Variants in KLF17 observed in about 807,000 individuals in gnomAD.
The protein encoded by KLF17 is KLF transcription factor 17.
Under a neutral mutation model 34.2 loss-of-function variants are expected in KLF17, and 31 were observed. The ratio of observed to expected loss-of-function variants is 0.91; its 90% CI spans 0.68 to 1.22. The LOEUF (loss-of-function observed/expected upper bound fraction) is 1.22, where lower values mean the gene tolerates loss of function less well. Ranked by LOEUF, KLF17 falls within the 50% of genes most tolerant of loss-of-function variation. The pLI, the probability that KLF17 is intolerant of heterozygous loss-of-function variation, is 0.00. For synonymous variants in KLF17, 179 were observed against 186.7 expected (o/e 0.96, Z 0.34); for missense variants, 478 against 505.2 (o/e 0.95, Z 0.52).
the KLF17 span, among the ~76,000 whole-genome samples, chr1:44,088,990 G>A: frequency 3.3e-5 from 5 of 152,136 alleles, no homozygotes; most frequent in Admixed American, 1.3e-4. Flanking sequence ...GGAACCGACA[G>A]GCCAAAGCAT....
At chr1:44,081,571 G>A in the KLF17 span, among the ~76,000 whole-genome samples, 1 of 151,584 alleles carries the variant, frequency 6.6e-6, no homozygotes, top group African/African-American at 2.4e-5. Context: ...GCCCACCCCC[G>A]CACCTGTCTA....
At chr1:44,062,377 A>G in the KLF17 span, among the ~76,000 whole-genome samples, 5 of 152,116 alleles carry the variant, frequency 3.3e-5, no homozygotes, top group African/African-American at 1.2e-4. Context: ...AAACCCTTCA[A>G]ATTTAAAAAT....
the KLF17 span, among the ~76,000 whole-genome samples, chr1:44,091,029 A>G: frequency 6.6e-6 from 1 of 152,078 alleles, no homozygotes; most frequent in Non-Finnish European, 1.5e-5. Flanking sequence ...GGACTTTGTT[A>G]TACTCTTAAA....
chr1:44,050,314 G>C, the KLF17 span, among the ~76,000 whole-genome samples: 8 of 152,190 alleles, frequency 5.3e-5, no homozygotes, highest in Admixed American at 5.2e-4. Context: ...ATTGAGACTA[G>C]CTGAAAGGGG....
At chr1:44,048,020 G>GTA in the KLF17 span, 1 of 152,504 alleles carries the variant, frequency 6.6e-6, no homozygotes, top group Non-Finnish European at 1.5e-5. Context: ...GTGTGTGTGT[G>GTA]TGTGTGTGTG....
chr1:44,102,613 C>G, the KLF17 span, among the ~76,000 whole-genome samples: 9 of 87,232 alleles, frequency 1.0e-4, no homozygotes, highest in East Asian at 3.4e-4. Flanking sequence ...CACACACACA[C>G]AGAAAAGAAA....
the KLF17 span, among the ~76,000 whole-genome samples, chr1:44,056,553 T>C: frequency 2.0e-5 from 3 of 152,192 alleles, no homozygotes; most frequent in African/African-American, 7.2e-5. Flanking sequence ...CAGGCATTCT[T>C]AACACTAAAA....
the KLF17 span, among the ~76,000 whole-genome samples, chr1:44,093,868 T>C: frequency 6.6e-6 from 1 of 152,246 alleles, no homozygotes; most frequent in Non-Finnish European, 1.5e-5. Context: ...TATTTTTCAT[T>C]GGAAGTTATC....
chr1:44,057,738 G>A, the KLF17 span, among the ~76,000 whole-genome samples: 1 of 152,284 alleles, frequency 6.6e-6, no homozygotes, highest in East Asian at 1.9e-4. Context: ...TTTGGGACAG[G>A]ACTCCCTATT....
intron 1 of KLF17, among the ~76,000 whole-genome samples, chr1:44,126,039 T>G (rs564786243): frequency 6.8e-6 from 1 of 147,764 alleles, no homozygotes; most frequent in East Asian, 2.1e-4. Flanking sequence ...GTTTTGTTTT[T>G]TTGAGACAGA....
At chr1:44,117,005 G>A (rs1356102839), upstream of KLF17, 1 of 151,942 alleles carries the variant, frequency 6.6e-6, no homozygotes, top group Middle Eastern at 3.2e-3. Context: ...AGTTGCTCAA[G>A]CCAATAATCT....
At chr1:44,079,238 C>T in the KLF17 span, among the ~76,000 whole-genome samples, 9 of 151,810 alleles carry the variant, frequency 5.9e-5, no homozygotes, top group African/African-American at 1.5e-4. Context: ...CTGTATTATT[C>T]GGAGTTCTCT....
upstream of KLF17, among the ~76,000 whole-genome samples, chr1:44,118,115 T>C (rs899714259): frequency 6.6e-6 from 1 of 152,178 alleles, no homozygotes; most frequent in East Asian, 1.9e-4. Context: ...TTTCAGGCAT[T>C]TCATTTTCAG....
At chr1:44,084,316 G>A in the KLF17 span, among the ~76,000 whole-genome samples, 3 of 151,974 alleles carry the variant, frequency 2.0e-5, no homozygotes, top group African/African-American at 7.3e-5. Flanking sequence ...CCCTATAATC[G>A]GATCTGAAAA....
At chr1:44,132,920 G>A (rs1322193674) in intron 3 of KLF17, among the ~76,000 whole-genome samples, 1 of 152,228 alleles carries the variant, frequency 6.6e-6, no homozygotes, top group Non-Finnish European at 1.5e-5. Flanking sequence ...ACTTGGCCAA[G>A]CTATCAAGTG....
intron 1 of KLF17, among the ~76,000 whole-genome samples, chr1:44,121,507 G>A (rs184148409): frequency 1.3e-5 from 2 of 152,308 alleles, no homozygotes; most frequent in East Asian, 1.9e-4. Context: ...GTCCAAACCA[G>A]AATTTAAGAC....
chr1:44,132,585 C>A (rs1349356842), intron 3 of KLF17, among the ~76,000 whole-genome samples: 1 of 152,184 alleles, frequency 6.6e-6, no homozygotes, highest in Non-Finnish European at 1.5e-5. Context: ...ACTTCCAATG[C>A]CTTGGGTTTG....
chr1:44,097,939 C>G, the KLF17 span, among the ~76,000 whole-genome samples: 199 of 152,188 alleles, frequency 1.3e-3, no homozygotes, highest in African/African-American at 4.4e-3. Context: ...ATATGTTGAA[C>G]CATCCTTGCA....
Position 44,129,682 on chromosome 1 carries a change from G to T in KLF17, c.411G>T (p.Glu137Asp), listed in dbSNP as rs1397602310. 6.2e-7 allele frequency: 1 copy of T among 1,614,172 alleles called. No individual in the cohort carries two copies. Among genetic ancestry groups the T allele is most frequent in the Non-Finnish European group, 8.5e-7 (1 of 1,180,024 alleles). ...FSGPQLMPVG[E>D]PNIPRVARPF... ...GGCCCCAACTAATGCCCGTAGGAGAGCCCAATATTCCAAGGGTAGCCAGGC... is the reference window on the plus strand; with the variant it reads ...GGCCCCAACTAATGCCCGTAGGAGATCCCAATATTCCAAGGGTAGCCAGGC... Residue 137 changes from glutamate (E) to aspartate (D), a missense_variant, in exon 2 of 4, where the codon GAG becomes GAT. Physicochemically the swap from Glu to Asp is conservative, Grantham distance 45. Transcript: ENST00000372299.
Sources: gnomAD v4.1 joint callset for allele counts (sites outside exome capture counted in the v4.1 genomes callset) on GRCh38, gnomAD v4.1.1 for gene constraint, MANE v1.5 for transcripts, NCBI Gene and HGNC (gene_info 2026-07-23, HGNC 2026-07-21) for gene names.